Variants in GSDMC observed in about 807,000 individuals in gnomAD.
GSDMC encodes the protein gasdermin C.
GSDMC carries 59 observed loss-of-function variants against 58.0 expected under a neutral mutation model. That is an observed-to-expected ratio of 1.02 (90% confidence interval 0.82 to 1.26). The LOEUF is 1.26. GSDMC is among the 50% of genes most tolerant of loss of function. The pLI, the probability that GSDMC is intolerant of heterozygous loss-of-function variation, is 0.00. For synonymous variants in GSDMC, 241 were observed against 220.2 expected (o/e 1.09, Z -0.83); for missense variants, 659 against 598.5 (o/e 1.10, Z -1.06).
At chr8:129,730,187 G>C in the GSDMC span, 1 of 1,182,798 alleles carries the variant, frequency 8.5e-7, no homozygotes, top group Non-Finnish European at 1.2e-6. Context: ...GTGTAAAACT[G>C]TACAACATGT....
chr8:129,729,674 T>A, the GSDMC span: 6 of 447,888 alleles, frequency 1.3e-5, no homozygotes, highest in South Asian at 1.8e-4. Flanking sequence ...TATTCCATGG[T>A]GTATATGTGC....
rs1415268940 is a variant in GSDMC at position 129,748,277 on chromosome 8, G to A, written c.*224C>T. 2.5e-6 allele frequency: 1 copy of A among 397,464 alleles called. No homozygotes were observed. Among genetic ancestry groups the A allele is most frequent in the Non-Finnish European group, 4.4e-6 (1 of 224,838 alleles). The allele number at this position is 397,464 out of a possible 1,614,324, so 24.6% of individuals were successfully genotyped here. A position where few individuals can be genotyped will look rare whatever the true frequency, so the allele number is the denominator to read the frequency against. On this transcript the variant is annotated 3_prime_UTR_variant, in exon 14 of 14. Transcript: ENST00000276708. ...TTACGTCTTTAACATACTATTTGAGGAGTTTTGACAAATATATAAACTCTT... is the reference window on the plus strand; with the variant it reads ...TTACGTCTTTAACATACTATTTGAGAAGTTTTGACAAATATATAAACTCTT...
chr8:129,734,287 A>G, the GSDMC span, among the ~76,000 whole-genome samples: 1 of 152,238 alleles, frequency 6.6e-6, no homozygotes, highest in African/African-American at 2.4e-5. Flanking sequence ...CCAATCTAGC[A>G]AGGCAGGCCA....
chr8:129,747,970 G>A (rs2033006370), downstream of GSDMC, among the ~76,000 whole-genome samples: 1 of 151,988 alleles, frequency 6.6e-6, no homozygotes, highest in Non-Finnish European at 1.5e-5. Context: ...ACACGTGGGG[G>A]CTAACATTTA....
At chr8:129,766,568 A>T (rs574243358) in intron 3 of GSDMC, among the ~76,000 whole-genome samples, 11 of 152,272 alleles carry the variant, frequency 7.2e-5, no homozygotes, top group African/African-American at 2.4e-4. Context: ...ATGCTATGTT[A>T]TGTGACATCT....
chr8:129,762,806 T>C (rs2033718621), intron 4 of GSDMC, 75 bp from the exon 5 acceptor site: 1 of 961,490 alleles, frequency 1.0e-6, no homozygotes, highest in Middle Eastern at 2.2e-4. Flanking sequence ...GAAAGCTCAT[T>C]AGGAAAAACA....
the GSDMC span, among the ~76,000 whole-genome samples, chr8:129,743,007 T>C: frequency 6.6e-6 from 1 of 152,176 alleles, no homozygotes. Flanking sequence ...TCTGAATGCA[T>C]TGGGTCTTTC....
rs75819490 is a variant in GSDMC at position 129,771,615 on chromosome 8, A to G, written c.404+4487T>C. Among the ~76,000 whole-genome samples the G allele has an allele frequency of 6.3e-4, 95 of 150,026 alleles. 1 individual carries two copies. The East Asian group carries it at 0.016, about 26-fold the overall frequency. On this transcript the variant is annotated intron_variant, in intron 3 of 13. Coordinates refer to ENST00000276708, the MANE Select transcript of GSDMC (RefSeq NM_031415.3). ...CAAAAAATATCTGAGACAAACAAAA[A>G]TGAAAACACAACATATCAAAACTTA...
rs112383630 is a variant in GSDMC, at chr8:129,761,825, C to G, written c.676+801G>C. Among the ~76,000 whole-genome samples, 383 of 152,270 alleles carry G rather than the reference C, an allele frequency of 2.5e-3. 2 individuals are homozygous for G. Among genetic ancestry groups the G allele is most frequent in the African/African-American group, 8.9e-3 (370 of 41,558 alleles). On this transcript the variant is annotated intron_variant, in intron 5 of 13. Transcript: ENST00000276708. ...AACTGAAAGACTGGAGACAGTTCAGCCTCATTCTGTCTATGGCCACTGATG... is the reference window on the plus strand; with the variant it reads ...AACTGAAAGACTGGAGACAGTTCAGGCTCATTCTGTCTATGGCCACTGATG...
At chr8:129,780,619 A>C (rs545094983) in intron 1 of GSDMC, among the ~76,000 whole-genome samples, 32 of 152,192 alleles carry the variant, frequency 2.1e-4, no homozygotes, top group Non-Finnish European at 2.4e-4. Flanking sequence ...ATCAACACCA[A>C]ACCTGTCTTA....
chr8:129,734,346 G>A, the GSDMC span, among the ~76,000 whole-genome samples: 15 of 152,224 alleles, frequency 9.9e-5, no homozygotes, highest in African/African-American at 3.1e-4. Flanking sequence ...TACTCCTCGA[G>A]AAGAGCAACC....
downstream of GSDMC, among the ~76,000 whole-genome samples, chr8:129,746,510 T>C (rs2032964971): frequency 6.6e-6 from 1 of 152,172 alleles, no homozygotes; most frequent in African/African-American, 2.4e-5. Flanking sequence ...ACAAATAGAA[T>C]ATAAAAGATA....
At chr8:129,749,961 C>A in intron 12 of GSDMC, 29 bp downstream of exon 12, 1 of 1,557,476 alleles carries the variant, frequency 6.4e-7, no homozygotes, top group South Asian at 1.2e-5. Flanking sequence ...TCTTGTGATT[C>A]TCCCATTCTT....
chr8:129,772,166 C>T (rs2034078241), intron 3 of GSDMC, among the ~76,000 whole-genome samples: 1 of 149,348 alleles, frequency 6.7e-6, no homozygotes. Flanking sequence ...GAGGCTTAGG[C>T]AGGAGAATGG....
chr8:129,737,337 A>G, the GSDMC span, among the ~76,000 whole-genome samples: 1 of 152,222 alleles, frequency 6.6e-6, no homozygotes, highest in Non-Finnish European at 1.5e-5. Flanking sequence ...TGCCAAGACA[A>G]TCCTAAGCCA....
the GSDMC span, among the ~76,000 whole-genome samples, chr8:129,742,323 T>TTGA: frequency 6.6e-6 from 1 of 152,176 alleles, no homozygotes; most frequent in Non-Finnish European, 1.5e-5. Context: ...ATTAATGTGC[T>TTGA]TGATGGAATC....
chr8:129,742,905 T>C, the GSDMC span, among the ~76,000 whole-genome samples: 1 of 152,242 alleles, frequency 6.6e-6, no homozygotes, highest in Non-Finnish European at 1.5e-5. Context: ...TGAAAATTAT[T>C]GTCAATTCTA....
the GSDMC span, among the ~76,000 whole-genome samples, chr8:129,738,933 C>G: frequency 3.3e-5 from 5 of 152,208 alleles, no homozygotes; most frequent in East Asian, 9.6e-4. Context: ...CAAAATAAAA[C>G]TGAAACCTTT....
chr8:129,732,484 G>C, the GSDMC span, among the ~76,000 whole-genome samples: 1 of 152,066 alleles, frequency 6.6e-6, no homozygotes, highest in South Asian at 2.1e-4. Flanking sequence ...GAAGTGCCAA[G>C]GTCTCCAGAT....
Sources: allele counts gnomAD v4.1 joint callset (sites outside exome capture counted in the v4.1 genomes callset), GRCh38; gene constraint gnomAD v4.1.1; transcripts MANE v1.5; gene names NCBI Gene and HGNC (gene_info 2026-07-23, HGNC 2026-07-21).